The following VPS35L variants were observed in gnomAD, a reference collection of about 807,000 sequenced individuals.
VPS35L encodes VPS35 endosomal protein-sorting factor-like.
In VPS35L, 83 loss-of-function variants were observed where a neutral mutation model predicts 133.0. The observed-to-expected ratio is 0.62, with a 90% CI of 0.52 to 0.75. The LOEUF is 0.75. VPS35L is among the 30% of genes least tolerant of loss of function. VPS35L has a pLI of 0.00. For synonymous variants in VPS35L, 423 were observed against 449.9 expected (o/e 0.94, Z 0.76); for missense variants, 1,083 against 1,206.8 (o/e 0.90, Z 1.52).
At chr16:19,605,142 C>G (rs1319170171) in intron 9 of VPS35L, among the ~76,000 whole-genome samples, 3 of 152,058 alleles carry the variant, frequency 2.0e-5, no homozygotes, top group Admixed American at 6.6e-5. Flanking sequence ...AACACTGTTA[C>G]GTAAAGAGAC....
At chr16:19,664,898 TAAA>T (rs796465463) in intron 26 of VPS35L, among the ~76,000 whole-genome samples, 1 of 123,844 alleles carries the variant, frequency 8.1e-6, no homozygotes. Context: ...AGAGTTCATC[TAAA>T]AAAAAAAAAA....
At chr16:19,576,858 C>T (rs1412249288) in intron 5 of VPS35L, among the ~76,000 whole-genome samples, 1 of 151,972 alleles carries the variant, frequency 6.6e-6, no homozygotes, top group African/African-American at 2.4e-5. Flanking sequence ...AGGTGTGCAC[C>T]ACCAGGCCCA....
intron 9 of VPS35L, among the ~76,000 whole-genome samples, chr16:19,606,026 CAT>C (rs2151542939): frequency 6.6e-6 from 1 of 152,298 alleles, no homozygotes; most frequent in South Asian, 2.1e-4. Context: ...TCCCACGTAA[CAT>C]AATCCTTTTC....
chr16:19,594,417 T>A (rs1972136266), intron 8 of VPS35L, among the ~76,000 whole-genome samples: 1 of 151,662 alleles, frequency 6.6e-6, no homozygotes. Flanking sequence ...GCTGAGGTGG[T>A]TGGATCACTT....
intron 12 of VPS35L, chr16:19,611,858 T>C (rs1972732692): frequency 6.6e-6 from 1 of 152,002 alleles, no homozygotes; most frequent in Non-Finnish European, 1.5e-5. Context: ...CCCAAGTCAG[T>C]GTTTGCTGAG....
Position 19,636,394 on chromosome 16 carries a change from GA to G in VPS35L, c.1636-1193del, listed in dbSNP as rs377079509. Among the ~76,000 whole-genome samples, 872 of 152,108 alleles carry G rather than the reference GA, an allele frequency of 5.7e-3. 7 individuals carry two copies. The highest frequency in any genetic ancestry group is 8.8e-3 in the Non-Finnish European group (598 of 67,994). ...CATTTTTATAATGAAATATTAAGGG[GA>G]AAAAAATCCTGTCTTTTAAAATCAC... On this transcript the variant is annotated intron_variant, in intron 19 of 30. Transcript: ENST00000417362.
chr16:19,611,228 G>A (rs940994833), intron 12 of VPS35L, among the ~76,000 whole-genome samples: 4 of 152,144 alleles, frequency 2.6e-5, no homozygotes, highest in Admixed American at 2.6e-4. Flanking sequence ...TCGAACTCCT[G>A]ACCTCAAGTG....
chr16:19,584,892 G>A (rs377625640), intron 7 of VPS35L, among the ~76,000 whole-genome samples: 1 of 151,904 alleles, frequency 6.6e-6, no homozygotes, highest in South Asian at 2.1e-4. Flanking sequence ...ATTTTCATGT[G>A]GTTTTCATTT....
Position 19,659,700 on chromosome 16 carries a change from G to C in VPS35L, c.2221+7610G>C, listed in dbSNP as rs933412871. 2.0e-5 allele frequency among the ~76,000 whole-genome samples: 3 copies of C among 152,260 alleles called. No homozygotes were observed. The East Asian group carries it at 5.8e-4, about 29-fold the overall frequency. On this transcript the variant is annotated intron_variant, in intron 26 of 30. Coordinates refer to ENST00000417362, the MANE Select transcript of VPS35L (RefSeq NM_020314.7). ...AGTGGTAAATCTCTATCAGTGACTT[G>C]CCTGTGGATAACTTGGCCACTGAGA...
chr16:19,686,206 G>A (rs1281966377), intron 28 of VPS35L, among the ~76,000 whole-genome samples: 1 of 152,146 alleles, frequency 6.6e-6, no homozygotes, highest in Non-Finnish European at 1.5e-5. Flanking sequence ...CTTTTTCCCT[G>A]TTCACTTCCT....
At position 19,639,918 on chromosome 16, in the gene VPS35L, TTC is replaced by T; in HGVS notation, c.1699-95_1699-94del. On this transcript the variant is annotated intron_variant, in intron 20 of 30. Coordinates refer to ENST00000417362, the MANE Select transcript of VPS35L (RefSeq NM_020314.7). This position sits in a 1 kb window ranked among gnomAD's most constrained non-coding sequence, Gnocchi z 4.1. ...CCCGACTCAGAGAGATGAACCTCTG[TTC>T]TGCTTCTTTGAACTCCACAGAAAAA... is the stretch of plus-strand genomic sequence containing the variant. 7 of 1,032,490 alleles carry T rather than the reference TTC, an allele frequency of 6.8e-6. No homozygotes were observed. Among genetic ancestry groups the T allele is most frequent in the Non-Finnish European group, 1.0e-5 (7 of 686,680 alleles). 64.0% of individuals were successfully genotyped at this position (1,032,490 alleles called of 1,614,324 possible). A position where few individuals can be genotyped will look rare whatever the true frequency, so the allele number is the denominator to read the frequency against.
chr16:19,659,875 A>T (rs1974422520), intron 26 of VPS35L, among the ~76,000 whole-genome samples: 1 of 152,336 alleles, frequency 6.6e-6, no homozygotes, highest in South Asian at 2.1e-4. Flanking sequence ...CTAAACTCAT[A>T]CGGAGATAGA....
rs780230134 is a variant in VPS35L at position 19,637,647 on chromosome 16, T to A, written c.1689T>A (p.Leu563=). 5.7e-6 allele frequency: 9 copies of A among 1,579,304 alleles called. No individual in the cohort carries two copies. The highest frequency in any genetic ancestry group is 7.8e-6 in the Non-Finnish European group (9 of 1,157,018). ...VIAHFHDFSV[L]FSVEKFLPFL... ...CCCACTTCCATGACTTCTCAGTTCTTTTCTCAGTGGTAAGTAGGATTTCTT... is the reference window on the plus strand; with the variant it reads ...CCCACTTCCATGACTTCTCAGTTCTATTCTCAGTGGTAAGTAGGATTTCTT... The change falls in exon 20 of 31, where the codon CTT becomes CTA. Residue 563 remains leucine (L), a synonymous_variant. Transcript: ENST00000417362.
intron 1 of VPS35L, among the ~76,000 whole-genome samples, chr16:19,562,589 C>T (rs1045409959): frequency 1.8e-4 from 27 of 152,236 alleles, no homozygotes; most frequent in African/African-American, 6.5e-4. Context: ...TGTGGATACA[C>T]ACATTGCATA....
intron 29 of VPS35L, among the ~76,000 whole-genome samples, chr16:19,697,217 G>A (rs1296606773): frequency 6.6e-6 from 1 of 152,228 alleles, no homozygotes; most frequent in Admixed American, 6.5e-5. Flanking sequence ...TGCTGCTTCT[G>A]TGACTGTCGC....
rs117132725 is a variant in VPS35L at position 19,665,689 on chromosome 16, A to T, written c.2222-3471A>T. Among the ~76,000 whole-genome samples, 41 of 152,264 alleles carry T rather than the reference A, an allele frequency of 2.7e-4. No individual in the cohort carries two copies. In the East Asian group the frequency reaches 7.1e-3, roughly 26 times the overall value. Reference sequence around the variant, plus strand: ...ACTGATTTCCTTTCTTTTGGGGGTAAATCCAGTGGTGGGATTGCTGGATCC... The same window carrying T: ...ACTGATTTCCTTTCTTTTGGGGGTATATCCAGTGGTGGGATTGCTGGATCC... On this transcript the variant is annotated intron_variant, in intron 26 of 30. Transcript: ENST00000417362.
intron 8 of VPS35L, among the ~76,000 whole-genome samples, chr16:19,598,537 A>G (rs987891597): frequency 1.3e-5 from 2 of 152,216 alleles, no homozygotes; most frequent in Non-Finnish European, 2.9e-5. Flanking sequence ...TAATCCCAGC[A>G]CTTTGGGAAG....
At chr16:19,650,505 C>A in intron 25 of VPS35L, 46 bp downstream of exon 25, 1 of 1,453,764 alleles carries the variant, frequency 6.9e-7, no homozygotes, top group Non-Finnish European at 9.7e-7. Flanking sequence ...CTCCAGTGGG[C>A]TGTTTAGTTT....
At chr16:19,572,215 C>T (rs1002400984) in intron 3 of VPS35L, among the ~76,000 whole-genome samples, 3 of 152,058 alleles carry the variant, frequency 2.0e-5, no homozygotes, top group Non-Finnish European at 1.5e-5. Context: ...GTCAGGAATT[C>T]GAGACCAGCC....
Sources: allele counts gnomAD v4.1 joint callset (sites outside exome capture counted in the v4.1 genomes callset), GRCh38; gene constraint gnomAD v4.1.1; non-coding constraint Gnocchi (gnomAD v3.1); transcripts MANE v1.5; gene names NCBI Gene and HGNC (gene_info 2026-07-23, HGNC 2026-07-21).